Variants in PCDH15 observed in about 807,000 individuals in gnomAD.
The protein encoded by PCDH15 is protocadherin-15.
Under a neutral mutation model 178.5 loss-of-function variants are expected in PCDH15, and 129 were observed. The ratio of observed to expected loss-of-function variants is 0.72; its 90% CI spans 0.63 to 0.84. PCDH15 has a LOEUF of 0.84. Ranked by LOEUF, PCDH15 falls within the 40% of genes least tolerant of loss-of-function variation. The pLI is 0.00. For missense variants in PCDH15, 2,230 were observed against 2,099.9 expected (o/e 1.06, Z -1.21); for synonymous variants, 800 against 732.0 (o/e 1.09, Z -1.50).
At chr10:55,056,170 G>C (rs1841295801) in intron 2 of PCDH15, among the ~76,000 whole-genome samples, 1 of 152,130 alleles carries the variant, frequency 6.6e-6, no homozygotes, top group African/African-American at 2.4e-5. Context: ...CCTGCTTAAA[G>C]ACCCTCTATT....
chr10:54,092,562 T>G (rs2094617245), intron 15 of PCDH15, among the ~76,000 whole-genome samples: 1 of 151,942 alleles, frequency 6.6e-6, no homozygotes, highest in South Asian at 2.1e-4. Context: ...TTAGTCAAAA[T>G]CCAAAATTTT....
intron 2 of PCDH15, among the ~76,000 whole-genome samples, chr10:54,594,314 G>C (rs980345684): frequency 1.3e-5 from 2 of 152,132 alleles, no homozygotes; most frequent in Non-Finnish European, 2.9e-5. Flanking sequence ...CCCTAGGCTT[G>C]ATTTGCTCCT....
At chr10:54,588,410 C>A (rs2091648500) in intron 2 of PCDH15, among the ~76,000 whole-genome samples, 1 of 152,178 alleles carries the variant, frequency 6.6e-6, no homozygotes, top group Non-Finnish European at 1.5e-5. Context: ...ATTAAAGACA[C>A]TTATCAGTGC....
At chr10:55,284,337 G>A (rs140867710) in intron 1 of PCDH15, among the ~76,000 whole-genome samples, 13 of 152,176 alleles carry the variant, frequency 8.5e-5, no homozygotes, top group African/African-American at 2.4e-4. Flanking sequence ...TACACTGAGA[G>A]TAAGTTCTCA....
chr10:54,824,367 A>G (rs1004553341), intron 3 of PCDH15, among the ~76,000 whole-genome samples: 2 of 152,186 alleles, frequency 1.3e-5, no homozygotes, highest in African/African-American at 4.8e-5. Flanking sequence ...ATCAGAGAAG[A>G]AAAAAGAACA....
rs1227186569 is a variant in PCDH15, at chr10:54,752,492, CAA to C, written c.-29+48431_-29+48432del. On this transcript the variant is annotated intron_variant, in intron 1 of 37. Transcript: ENST00000644397. ...ACTCCGTCTCAAAAAAAAAAAAAAACAAAAAACAAAAAACAAAAAACAAACAA... is the reference window on the plus strand; with the variant it reads ...ACTCCGTCTCAAAAAAAAAAAAAAACAAAACAAAAAACAAAAAACAAACAA... 7.0e-3 allele frequency among the ~76,000 whole-genome samples: 476 copies of C among 67,822 alleles called. 45 individuals are homozygous for C. Among genetic ancestry groups the C allele is most frequent in the African/African-American group, 0.021 (390 of 18,438 alleles). 44.5% of individuals were successfully genotyped at this position (67,822 alleles called of 152,430 possible).
At chr10:54,329,294 G>GTGATTC (rs1938881650) in intron 7 of PCDH15, among the ~76,000 whole-genome samples, 1 of 151,780 alleles carries the variant, frequency 6.6e-6, no homozygotes, top group Admixed American at 6.6e-5. Flanking sequence ...CACACCCAAG[G>GTGATTC]TGATTCTGCT....
chr10:54,882,331 G>A (rs1003435130), intron 3 of PCDH15, among the ~76,000 whole-genome samples: 5 of 151,940 alleles, frequency 3.3e-5, no homozygotes, highest in African/African-American at 4.8e-5. Flanking sequence ...AATATTAAAG[G>A]AGCCACTTTT....
chr10:54,419,637 C>A (rs574612998), intron 3 of PCDH15, among the ~76,000 whole-genome samples: 1 of 152,220 alleles, frequency 6.6e-6, no homozygotes, highest in South Asian at 2.1e-4. Flanking sequence ...TAATGCATTT[C>A]TCTGCTCAAA....
At chr10:54,472,014 A>G (rs1303362634) in intron 3 of PCDH15, among the ~76,000 whole-genome samples, 1 of 152,152 alleles carries the variant, frequency 6.6e-6, no homozygotes, top group East Asian at 1.9e-4. Flanking sequence ...AGCCAGTGCA[A>G]TCATGTGGGT....
chr10:54,126,709 T>TTC (rs59884025), intron 15 of PCDH15, among the ~76,000 whole-genome samples: 4,450 of 151,962 alleles, frequency 0.029, 232 homozygotes, highest in African/African-American at 0.1. Flanking sequence ...AATGGACACT[T>TTC]TGTTTATTTT....
chr10:54,344,891 T>C (rs1588941763), intron 6 of PCDH15, among the ~76,000 whole-genome samples: 1 of 63,356 alleles, frequency 1.6e-5, no homozygotes, highest in Non-Finnish European at 3.1e-5. Context: ...AGTCCTCTTT[T>C]AGAGAAACAA....
intron 1 of PCDH15, among the ~76,000 whole-genome samples, chr10:54,757,538 C>A (rs1947314850): frequency 3.1e-5 from 1 of 32,326 alleles, no homozygotes; most frequent in South Asian, 5.7e-4. Context: ...GTCTCGGCCT[C>A]CCAAAGTGCT....
chr10:53,924,088 A>G (rs1199398322), intron 25 of PCDH15, among the ~76,000 whole-genome samples: 1 of 152,118 alleles, frequency 6.6e-6, no homozygotes, highest in Non-Finnish European at 1.5e-5. Flanking sequence ...GCCGCGCTTG[A>G]GGAGCCCTTC....
intron 2 of PCDH15, among the ~76,000 whole-genome samples, chr10:54,618,625 C>T (rs1471259198): frequency 3.9e-5 from 6 of 151,966 alleles, no homozygotes; most frequent in South Asian, 2.1e-4. Context: ...AATAGACATA[C>T]ATATTCTACT....
intron 2 of PCDH15, among the ~76,000 whole-genome samples, chr10:55,421,793 T>C (rs1214679843): frequency 6.0e-5 from 9 of 149,600 alleles, no homozygotes; most frequent in Admixed American, 2.0e-4. Context: ...ACAAATATTC[T>C]AAACATTTCA....
chr10:54,759,337 T>C (rs1947566962), intron 1 of PCDH15, among the ~76,000 whole-genome samples: 1 of 151,976 alleles, frequency 6.6e-6, no homozygotes, highest in Admixed American at 6.6e-5. Context: ...CCCTCAGGAA[T>C]AAAGCAAAAA....
chr10:54,377,125 A>G (rs1948566200), intron 4 of PCDH15, among the ~76,000 whole-genome samples: 1 of 152,112 alleles, frequency 6.6e-6, no homozygotes, highest in Non-Finnish European at 1.5e-5. Context: ...TCCAATTTAA[A>G]TTAATAAGTA....
chr10:54,701,443 T>G (rs2095307810), intron 1 of PCDH15, among the ~76,000 whole-genome samples: 1 of 152,088 alleles, frequency 6.6e-6, no homozygotes, highest in South Asian at 2.1e-4. Flanking sequence ...GGATCATATC[T>G]GCACATATCA....
Sources: allele counts gnomAD v4.1 joint callset (sites outside exome capture counted in the v4.1 genomes callset), GRCh38; gene constraint gnomAD v4.1.1; transcripts MANE v1.5; gene names NCBI Gene and HGNC (gene_info 2026-07-23, HGNC 2026-07-21).